Variants in UGT2B15 observed in about 807,000 individuals in gnomAD.
The protein encoded by UGT2B15 is UDP glucuronosyltransferase family 2 member B15, also known as UDP-glucuronosyltransferase 2B15.
A neutral mutation model predicts 45.9 loss-of-function variants in UGT2B15; 36 were observed. The observed-to-expected ratio is 0.78, with a 90% CI of 0.60 to 1.04. The LOEUF is 1.04. UGT2B15 is among the 50% of genes least tolerant of loss of function. The pLI is 0.00. For missense variants in UGT2B15, 617 were observed against 622.4 expected (o/e 0.99, Z 0.09); for synonymous variants, 219 against 216.4 (o/e 1.01, Z -0.11).
intron 2 of UGT2B15, among the ~76,000 whole-genome samples, chr4:68,664,576 T>A (rs991493856): frequency 6.6e-6 from 1 of 151,988 alleles, no homozygotes; most frequent in Non-Finnish European, 1.5e-5. Context: ...GACATCTTTT[T>A]TTTTTTTCCA....
intron 5 of UGT2B15, 30 bp from the exon 6 acceptor site, chr4:68,647,413 T>TA (rs1732515104): frequency 6.3e-7 from 1 of 1,584,368 alleles, no homozygotes; most frequent in Non-Finnish European, 8.6e-7. Flanking sequence ...ATATCAACAT[T>TA]AAAAGTAAAT....
At chr4:68,653,990 C>T in intron 5 of UGT2B15, 47 bp downstream of exon 5, 2 of 1,597,324 alleles carry the variant, frequency 1.3e-6, no homozygotes, top group South Asian at 2.2e-5. Context: ...TCACTGTTGA[C>T]AAAATAATTT....
chr4:68,661,229 C>G (rs1732956410), intron 3 of UGT2B15, among the ~76,000 whole-genome samples: 1 of 151,988 alleles, frequency 6.6e-6, no homozygotes, highest in East Asian at 1.9e-4. Flanking sequence ...CCATTCTATT[C>G]AAAGTCACCC....
At chr4:68,653,191 C>T (rs545613987) in intron 5 of UGT2B15, among the ~76,000 whole-genome samples, 281 of 151,804 alleles carry the variant, frequency 1.9e-3, no homozygotes, top group African/African-American at 5.9e-3. Flanking sequence ...TATTTTTACA[C>T]GGAAAATATG....
In UGT2B15 at chr4:68,654,198, C is replaced by T. The variant is rs149314105; in HGVS notation, c.1152G>A (p.Ala384=). Residue 384 remains alanine (A), a synonymous_variant, in exon 5 of 6, where the codon GCG becomes GCA. Coordinates refer to ENST00000338206, the MANE Select transcript of UGT2B15 (RefSeq NM_001076.4). ...THGGTNGIYE[A]IYHGIPMVGI... ...CCACCATAGGGATCCCATGGTAGAT[C>T]GCCTCATAGATGCCATTGGTTCCAC... 0.021 allele frequency: 34,032 copies of T among 1,596,100 alleles called. 859 individuals carry two copies. Among genetic ancestry groups the T allele is most frequent in the Non-Finnish European group, 0.025 (29,266 of 1,163,644 alleles).
intron 1 of UGT2B15, among the ~76,000 whole-genome samples, chr4:68,668,588 A>C (rs1485740618): frequency 6.6e-6 from 1 of 150,620 alleles, no homozygotes; most frequent in African/African-American, 2.4e-5. Flanking sequence ...GTGGCAGGTG[A>C]TTGGATCATG....
Position 68,670,374 on chromosome 4 carries a change from G to A in UGT2B15, c.245C>T (p.Thr82Ile). ...AAGAGAATCTTCCAAATAATTTTTA[G>A]TTAAAGATGTAGGATAAACTTCTAA... is the stretch of plus-strand genomic sequence containing the variant. ...IKLEVYPTSL[T>I]KNYLEDSLLK... The change falls in exon 1 of 6, where the codon ACT becomes ATT. Residue 82 changes from threonine to isoleucine, a missense_variant. Around this residue, in one of 3 missense-constraint regions of UGT2B15, gnomAD observed 351 missense variants for 342.1 expected, o/e 1.03. Coordinates refer to ENST00000338206, the MANE Select transcript of UGT2B15 (RefSeq NM_001076.4). The A allele has an allele frequency of 1.2e-6, 2 of 1,613,390 alleles. No homozygotes were observed. The highest frequency in any genetic ancestry group is 1.7e-6 in the Non-Finnish European group (2 of 1,179,880).
At chr4:68,649,896 T>C (rs940316219) in intron 5 of UGT2B15, among the ~76,000 whole-genome samples, 5 of 151,624 alleles carry the variant, frequency 3.3e-5, no homozygotes, top group African/African-American at 1.2e-4. Flanking sequence ...TCAGTGGCAC[T>C]ATCTCGGCTC....
intron 3 of UGT2B15, among the ~76,000 whole-genome samples, chr4:68,658,370 AATAAG>A (rs1202494638): frequency 7.2e-5 from 11 of 152,272 alleles, no homozygotes; most frequent in East Asian, 1.9e-4. Flanking sequence ...ATCTTTTATA[AATAAG>A]ATAACTTTAC....
rs1369028657 is a variant in UGT2B15, at chr4:68,647,339, TG to T, written c.1357del (p.Gln453AsnfsTer3). On this transcript the variant is annotated frameshift_variant, in exon 6 of 6. Transcript: ENST00000338206. LOFTEE classifies it low-confidence loss of function (END_TRUNC). ...TGCTCGATCCAGGGGCTTCATTGGT[TG>T]GTCATGATGAATTCTTGATAATTTC... ...VMKLSRIHHD[Q>X]PMKPLDRAVF... The T allele has an allele frequency of 6.2e-7, 1 of 1,613,752 alleles. No homozygotes were observed. The highest frequency in any genetic ancestry group is 1.1e-5 in the South Asian group (1 of 91,054).
At chr4:68,648,355 C>G (rs371545112) in intron 5 of UGT2B15, among the ~76,000 whole-genome samples, 4 of 151,946 alleles carry the variant, frequency 2.6e-5, no homozygotes, top group East Asian at 1.9e-4. Context: ...ACCTTAGCCC[C>G]TTTACACCTT....
In UGT2B15 at chr4:68,647,354, C is replaced by G. The variant is rs376046316; in HGVS notation, c.1343G>C (p.Arg448Thr). ...VYKENVMKLS[R>T]IHHDQPMKPL... The stretch of plus-strand genomic sequence containing the variant: ...CTTCATTGGTTGGTCATGATGAATT[C>G]TTGATAATTTCATGACATTCTCTTT... The change falls in exon 6 of 6, where the codon AGA (arginine) becomes ACA (threonine). Residue 448 changes from arginine (R) to threonine (T), a missense_variant. Physicochemically the swap from Arg to Thr is moderately conservative, Grantham distance 71. Around this residue, in one of 3 missense-constraint regions of UGT2B15, gnomAD observed 265 missense variants for 245.1 expected, o/e 1.08. Coordinates refer to ENST00000338206, the MANE Select transcript of UGT2B15 (RefSeq NM_001076.4). 1.2e-6 allele frequency: 2 copies of G among 1,613,280 alleles called. No individual in the cohort carries two copies. Among genetic ancestry groups the G allele is most frequent in the Non-Finnish European group, 1.7e-6 (2 of 1,179,622 alleles).
Position 68,670,029 on chromosome 4 carries a change from A to G in UGT2B15, c.590T>C (p.Val197Ala). ...GFLFPPSYVP[V>A]VMSELSDQMI... ...TTGATCACTTAATTCTGACATAACAACAGGTACATAGGAAGGAGGGAACAG... is the reference window on the plus strand; with the variant it reads ...TTGATCACTTAATTCTGACATAACAGCAGGTACATAGGAAGGAGGGAACAG... Residue 197 changes from valine to alanine, a missense_variant, in exon 1 of 6, where the codon GTT (valine) becomes GCT (alanine). Transcript: ENST00000338206. 1.2e-6 allele frequency: 2 copies of G among 1,614,058 alleles called. No homozygotes were observed. Among genetic ancestry groups the G allele is most frequent in the Non-Finnish European group, 1.7e-6 (2 of 1,179,972 alleles).
rs773298043 is a variant in UGT2B15 at position 68,670,168 on chromosome 4, C to T, written c.451G>A (p.Ala151Thr). 13 of 1,613,890 alleles carry T rather than the reference C, an allele frequency of 8.1e-6. No homozygotes were observed. In the East Asian group the frequency reaches 1.3e-4, roughly 17 times the overall value. Residue 151 changes from alanine (A) to threonine (T), a missense_variant, in exon 1 of 6, where the codon GCA becomes ACA. Around this residue, in one of 3 missense-constraint regions of UGT2B15, gnomAD observed 351 missense variants for 342.1 expected, o/e 1.03. Coordinates refer to ENST00000338206, the MANE Select transcript of UGT2B15 (RefSeq NM_001076.4). ...LQESKFDVILADALNPCGELL... is the reference protein window; with the variant it reads ...LQESKFDVILTDALNPCGELL... ...TCACCACAGGGATTAAGGGCATCTG[C>T]CAGAATGACATCAAACTTTGACTCT...
At chr4:68,661,490 T>A (rs1732964896) in intron 3 of UGT2B15, among the ~76,000 whole-genome samples, 2 of 152,140 alleles carry the variant, frequency 1.3e-5, no homozygotes, top group South Asian at 4.2e-4. Context: ...TTATTTTATA[T>A]ACTTTATACT....
intron 3 of UGT2B15, among the ~76,000 whole-genome samples, chr4:68,661,905 G>T (rs1246713111): frequency 6.6e-6 from 1 of 152,092 alleles, no homozygotes; most frequent in East Asian, 1.9e-4. Flanking sequence ...TTCACACTTA[G>T]ATGATGCACT....
intron 3 of UGT2B15, among the ~76,000 whole-genome samples, chr4:68,659,934 T>C (rs983625460): frequency 6.6e-6 from 1 of 151,630 alleles, no homozygotes; most frequent in Non-Finnish European, 1.5e-5. Context: ...GTTTTGTTTT[T>C]TTTTCAGAGT....
chr4:68,647,045 T>G lies in UGT2B15; in HGVS notation c.*59A>C. On this transcript the variant is annotated 3_prime_UTR_variant, in exon 6 of 6. Coordinates refer to ENST00000338206, the MANE Select transcript of UGT2B15 (RefSeq NM_001076.4). ...GAAATCCTCCATTTAAAACCCTCCA[T>G]GCTGAAATAAAGGAGGAGTCCCATC... The G allele has an allele frequency of 3.9e-6, 6 of 1,554,854 alleles. No homozygotes were observed. Among genetic ancestry groups the G allele is most frequent in the Non-Finnish European group, 5.2e-6 (6 of 1,150,304 alleles).
intron 2 of UGT2B15, among the ~76,000 whole-genome samples, chr4:68,665,710 T>C (rs1733099725): frequency 6.6e-6 from 1 of 152,188 alleles, no homozygotes; most frequent in South Asian, 2.1e-4. Flanking sequence ...TACAAAAGAA[T>C]TAGAGAATCA....
Sources: allele counts gnomAD v4.1 joint callset (sites outside exome capture counted in the v4.1 genomes callset), GRCh38; gene constraint gnomAD v4.1.1; regional missense constraint gnomAD v4.1.1; transcripts MANE v1.5; gene names NCBI Gene and HGNC (gene_info 2026-07-23, HGNC 2026-07-21).